Variants in TNFRSF10B observed in about 807,000 individuals in gnomAD.
TNFRSF10B encodes the protein TNF receptor superfamily member 10b.
Under a neutral mutation model 41.4 loss-of-function variants are expected in TNFRSF10B, and 35 were observed. The observed-to-expected ratio is 0.85, with a 90% CI of 0.65 to 1.12. TNFRSF10B has a LOEUF of 1.12. Among genes scored for constraint, TNFRSF10B ranks in the 50% most tolerant of loss-of-function variants. TNFRSF10B has a pLI of 0.00. For missense variants in TNFRSF10B, 584 were observed against 552.7 expected (o/e 1.06, Z -0.57); for synonymous variants, 230 against 215.5 (o/e 1.07, Z -0.59).
At chr8:23,043,737 T>C (rs1812276407) in intron 1 of TNFRSF10B, among the ~76,000 whole-genome samples, 2 of 152,236 alleles carry the variant, frequency 1.3e-5, no homozygotes, top group Admixed American at 6.5e-5. Flanking sequence ...ATTTAAAAGG[T>C]GCCTGACATA....
At position 23,020,369 on chromosome 8, in the gene TNFRSF10B, C is replaced by G. The variant is rs1292281006; in HGVS notation, c.*2302G>C. 2.4e-5 allele frequency: 11 copies of G among 453,900 alleles called. No individual in the cohort carries two copies. The highest frequency in any genetic ancestry group is 4.0e-5 in the Non-Finnish European group (9 of 226,786). The allele number at this position is 453,900 out of a possible 1,614,324, so 28.1% of individuals were successfully genotyped here. On this transcript the variant is annotated 3_prime_UTR_variant, in exon 9 of 9. Transcript: ENST00000276431. The stretch of plus-strand genomic sequence containing the variant: ...CTAATGTAACTAAACAACAAAACCC[C>G]CAATTATTTCATGTCGTCAGGAAGC...
chr8:23,022,375 A>G lies in TNFRSF10B; in HGVS notation c.*296T>C, dbSNP rs952499169. ...ATAAATAAAGCATTTACATTAGGAT[A>G]AAAAAGTGCTGTGAAAACAATGACA... On this transcript the variant is annotated 3_prime_UTR_variant, in exon 9 of 9. Transcript: ENST00000276431. 1.9e-6 allele frequency: 1 copy of G among 533,760 alleles called. No individual in the cohort carries two copies. The highest frequency in any genetic ancestry group is 3.6e-6 in the Non-Finnish European group (1 of 279,454). The allele number at this position is 533,760 out of a possible 1,614,324, so 33.1% of individuals were successfully genotyped here.
In TNFRSF10B at chr8:23,054,778, G is replaced by A. The variant is rs549731559; in HGVS notation, c.145-11535C>T. Among the ~76,000 whole-genome samples, 12 of 152,252 alleles carry A rather than the reference G, an allele frequency of 7.9e-5. 2 individuals carry two copies. The highest frequency in any genetic ancestry group is 2.9e-4 in the African/African-American group (12 of 41,548). Reference sequence around the variant, plus strand: ...TCACCCAACTCATAGGTATTTGATGGTATAAATCCATGGTTGGGCTCGGCT... The same window carrying A: ...TCACCCAACTCATAGGTATTTGATGATATAAATCCATGGTTGGGCTCGGCT... On this transcript the variant is annotated intron_variant, in intron 1 of 8. Transcript: ENST00000276431.
Position 23,030,884 on chromosome 8 carries a change from G to C in TNFRSF10B, c.251-12C>G. ...TGAGATATGGTGTCCTGGGAGGGGA[G>C]AGAAAAGCCGGTGAATGAAATGCCA... On this transcript the variant is annotated splice_polypyrimidine_tract_variant and intron_variant, in intron 2 of 8. Coordinates refer to ENST00000276431, the MANE Select transcript of TNFRSF10B (RefSeq NM_003842.5). 6.3e-7 allele frequency: 1 copy of C among 1,589,366 alleles called. No individual in the cohort carries two copies. The highest frequency in any genetic ancestry group is 8.6e-7 in the Non-Finnish European group (1 of 1,163,318).
At chr8:23,062,214 C>CT (rs998529101) in intron 1 of TNFRSF10B, among the ~76,000 whole-genome samples, 1 of 151,764 alleles carries the variant, frequency 6.6e-6, no homozygotes, top group African/African-American at 2.4e-5. Flanking sequence ...TATGGTTTTT[C>CT]TTTTTTCTTT....
At chr8:23,044,286 A>G (rs1335369486) in intron 1 of TNFRSF10B, among the ~76,000 whole-genome samples, 1 of 152,258 alleles carries the variant, frequency 6.6e-6, no homozygotes, top group Non-Finnish European at 1.5e-5. Flanking sequence ...TGTGATCCCC[A>G]AAACACAAGC....
rs757353569 is a variant in TNFRSF10B, at chr8:23,021,898, A to G, written c.*773T>C. ...GTTTATCTAATCTATTCACATAACT[A>G]TGTAAACAAGTACATTTACTAAAGT... On this transcript the variant is annotated 3_prime_UTR_variant, in exon 9 of 9. Coordinates refer to ENST00000276431, the MANE Select transcript of TNFRSF10B (RefSeq NM_003842.5). The G allele has an allele frequency of 3.7e-5, 17 of 453,902 alleles. No individual in the cohort carries two copies. Among genetic ancestry groups the G allele is most frequent in the African/African-American group, 6.0e-5 (3 of 50,000 alleles). 28.1% of individuals were successfully genotyped at this position (453,902 alleles called of 1,614,324 possible).
intron 6 of TNFRSF10B, 93 bp from the exon 7 acceptor site, chr8:23,027,381 TC>T: frequency 6.7e-7 from 1 of 1,496,476 alleles, no homozygotes; most frequent in Non-Finnish European, 9.2e-7. Flanking sequence ...GCACCTGACA[TC>T]CCCACCCCCT....
intron 1 of TNFRSF10B, among the ~76,000 whole-genome samples, chr8:23,056,425 G>A (rs1360100393): frequency 4.6e-5 from 7 of 152,142 alleles, no homozygotes; most frequent in Admixed American, 1.3e-4. Context: ...GCCGAGGCGG[G>A]CGATCATTTG....
At position 23,028,583 on chromosome 8, in the gene TNFRSF10B, T is replaced by TGACCATCCCTCTGGGACACCTG. The variant is rs1811782819; in HGVS notation, c.477-3_495dup (p.Lys166GlnfsTer11). The stretch of plus-strand genomic sequence containing the variant: ...CTCCAGGGTGTACAATCACCGACCT[T>TGACCATCCCTCTGGGACACCTG]GACCATCCCTCTGGGACACCTGGGT... On this transcript the variant is annotated frameshift_variant, in exon 5 of 9. Coordinates refer to ENST00000276431, the MANE Select transcript of TNFRSF10B (RefSeq NM_003842.5). LOFTEE classifies it high-confidence loss of function. The TGACCATCCCTCTGGGACACCTG allele has an allele frequency of 6.2e-7, 1 of 1,614,058 alleles. No homozygotes were observed.
At chr8:23,027,390 C>G (rs1037533452) in intron 6 of TNFRSF10B, 102 bp from the exon 7 acceptor site, 4 of 1,455,456 alleles carry the variant, frequency 2.7e-6, no homozygotes, top group African/African-American at 2.8e-5. Flanking sequence ...ATCCCCACCC[C>G]CTCTCAGTGA....
intron 1 of TNFRSF10B, among the ~76,000 whole-genome samples, chr8:23,044,092 T>C (rs995789091): frequency 3.9e-5 from 6 of 152,232 alleles, no homozygotes; most frequent in African/African-American, 1.4e-4. Flanking sequence ...TTTTTAAAAA[T>C]GGTCTTGGGA....
chr8:23,062,313 G>A (rs554843265), intron 1 of TNFRSF10B, among the ~76,000 whole-genome samples: 25 of 151,964 alleles, frequency 1.6e-4, no homozygotes, highest in African/African-American at 6.0e-4. Context: ...CTACATCTCC[G>A]GGGCTCAAGT....
chr8:23,031,323 G>T lies in TNFRSF10B; in HGVS notation c.251-451C>A, dbSNP rs146812634. On this transcript the variant is annotated intron_variant, in intron 2 of 8. Coordinates refer to ENST00000276431, the MANE Select transcript of TNFRSF10B (RefSeq NM_003842.5). Reference sequence around the variant, plus strand: ...GATCTCCTGACCTCATGATCTGCCTGCCTAGGCCTCCCAAAGTGCTGGGAT... The same window carrying T: ...GATCTCCTGACCTCATGATCTGCCTTCCTAGGCCTCCCAAAGTGCTGGGAT... Among the ~76,000 whole-genome samples, 1,436 of 152,162 alleles carry T rather than the reference G, an allele frequency of 9.4e-3. 19 individuals carry two copies. Among genetic ancestry groups the T allele is most frequent in the African/African-American group, 0.033 (1,358 of 41,488 alleles).
At chr8:23,046,076 T>C (rs1812350590) in intron 1 of TNFRSF10B, among the ~76,000 whole-genome samples, 1 of 152,286 alleles carries the variant, frequency 6.6e-6, no homozygotes, top group Admixed American at 6.5e-5. Flanking sequence ...GTACTGGAAG[T>C]CCTAGCCAGA....
chr8:23,028,137 G>C (rs1363928253), intron 5 of TNFRSF10B, 194 bp downstream of exon 5: 1 of 704,914 alleles, frequency 1.4e-6, no homozygotes, highest in Non-Finnish European at 2.3e-6. Context: ...CCAGACCTGG[G>C]AGAGGGACTG....
In TNFRSF10B at chr8:23,068,973, T is replaced by A. The variant is rs768306590; in HGVS notation, c.-79A>T. The A allele has an allele frequency of 6.2e-7, 1 of 1,609,596 alleles. No individual in the cohort carries two copies. Among genetic ancestry groups the A allele is most frequent in the East Asian group, 2.2e-5 (1 of 44,850 alleles). Reference sequence around the variant, plus strand: ...AGTAGATCGGGCATCGTCGGTGTATTTTGTGGGCGCAGAGATTGCGGGGTT... The same window carrying A: ...AGTAGATCGGGCATCGTCGGTGTATATTGTGGGCGCAGAGATTGCGGGGTT... On this transcript the variant is annotated 5_prime_UTR_variant, in exon 1 of 9. Transcript: ENST00000276431.
chr8:23,026,245 C>A (rs1303584642), intron 7 of TNFRSF10B, among the ~76,000 whole-genome samples: 2 of 149,838 alleles, frequency 1.3e-5, no homozygotes, highest in Non-Finnish European at 3.0e-5. Context: ...AAACATTTGA[C>A]ATTTTCAAGG....
In TNFRSF10B at chr8:23,022,333, C is replaced by T. The variant is rs1350782378; in HGVS notation, c.*338G>A. 2.1e-6 allele frequency: 1 copy of T among 466,866 alleles called. No homozygotes were observed. The highest frequency in any genetic ancestry group is 6.6e-5 in the East Asian group (1 of 15,216). 28.9% of individuals were successfully genotyped at this position (466,866 alleles called of 1,614,324 possible). On this transcript the variant is annotated 3_prime_UTR_variant, in exon 9 of 9. Transcript: ENST00000276431. ...ACAACGACTGTGTAGATGGATCTTACAATGTAGCCCAAATAAATAAATAAA... is the reference window on the plus strand; with the variant it reads ...ACAACGACTGTGTAGATGGATCTTATAATGTAGCCCAAATAAATAAATAAA...
Sources: allele counts gnomAD v4.1 joint callset (sites outside exome capture counted in the v4.1 genomes callset), GRCh38; gene constraint gnomAD v4.1.1; transcripts MANE v1.5; gene names NCBI Gene and HGNC (gene_info 2026-07-23, HGNC 2026-07-21).